Variants in SGCZ observed in about 807,000 individuals in gnomAD.
SGCZ encodes the protein zeta-sarcoglycan.
In SGCZ, 40 loss-of-function variants were observed where a neutral mutation model predicts 41.3. That is an observed-to-expected ratio of 0.97 (90% confidence interval 0.75 to 1.26). The LOEUF (loss-of-function observed/expected upper bound fraction) is 1.26. Among genes scored for constraint, SGCZ ranks in the 50% most tolerant of loss-of-function variants. SGCZ has a pLI of 0.00. For synonymous variants in SGCZ, 206 were observed against 137.5 expected, an observed-to-expected ratio of 1.50 and a Z score of -3.49; for missense variants, 552 against 369.8, an observed-to-expected ratio of 1.49 and a Z score of -4.04.
intron 1 of SGCZ, among the ~76,000 whole-genome samples, chr8:14,923,906 A>G (rs1799666608): frequency 6.6e-6 from 1 of 152,190 alleles, no homozygotes; most frequent in Non-Finnish European, 1.5e-5. Flanking sequence ...AATGCAAGGG[A>G]TTTGAGATTC....
At chr8:14,219,975 C>T (rs746600402) in intron 4 of SGCZ, among the ~76,000 whole-genome samples, 3 of 152,092 alleles carry the variant, frequency 2.0e-5, no homozygotes, top group Non-Finnish European at 4.4e-5. Context: ...TTCTCATTGA[C>T]AAAAATGTGT....
At chr8:14,235,442 C>A (rs549131490) in intron 4 of SGCZ, among the ~76,000 whole-genome samples, 1 of 152,176 alleles carries the variant, frequency 6.6e-6, no homozygotes, top group East Asian at 1.9e-4. Context: ...ACATTTTTTT[C>A]TTTCTCCGTC....
intron 4 of SGCZ, among the ~76,000 whole-genome samples, chr8:14,190,583 C>T (rs1805067380): frequency 6.6e-6 from 1 of 151,920 alleles, no homozygotes; most frequent in African/African-American, 2.4e-5. Context: ...TGTTGGATGA[C>T]ATATAAATCT....
Position 14,361,222 on chromosome 8 carries a change from G to A in SGCZ, c.235-37018C>T, listed in dbSNP as rs1203701684. Among the ~76,000 whole-genome samples the A allele has an allele frequency of 2.6e-5, 4 of 152,158 alleles. No individual in the cohort carries two copies. The East Asian group carries it at 7.7e-4, about 29-fold the overall frequency. ...ACATGTGGTTTGAGAAAATTTGAGT[G>A]TGGGCCAGCCTTGCTAGGTTGGTAA... is the stretch of plus-strand genomic sequence containing the variant. On this transcript the variant is annotated intron_variant, in intron 2 of 7. Coordinates refer to ENST00000382080, the MANE Select transcript of SGCZ (RefSeq NM_139167.4).
intron 2 of SGCZ, among the ~76,000 whole-genome samples, chr8:14,543,834 A>C (rs1425828188): frequency 6.6e-6 from 1 of 152,178 alleles, no homozygotes; most frequent in South Asian, 2.1e-4. Flanking sequence ...CTGAGTTCAA[A>C]TTCTGTTTGA....
At chr8:14,187,426 T>C (rs930155549) in intron 4 of SGCZ, among the ~76,000 whole-genome samples, 3 of 152,186 alleles carry the variant, frequency 2.0e-5, no homozygotes, top group African/African-American at 7.2e-5. Flanking sequence ...GTAAACTTTA[T>C]AAATATGTTC....
chr8:15,228,839 CA>C (rs1164433455), intron 1 of SGCZ, among the ~76,000 whole-genome samples: 1 of 152,150 alleles, frequency 6.6e-6, no homozygotes, highest in Non-Finnish European at 1.5e-5. Flanking sequence ...GTCATGCAAA[CA>C]AAAACTGGAT....
At chr8:15,188,180 G>A (rs958641667) in intron 1 of SGCZ, among the ~76,000 whole-genome samples, 1 of 151,966 alleles carries the variant, frequency 6.6e-6, no homozygotes, top group Non-Finnish European at 1.5e-5. Context: ...ATTCATTGGA[G>A]TATTGTATCA....
chr8:14,509,150 T>C (rs982590763), intron 2 of SGCZ, among the ~76,000 whole-genome samples: 2 of 152,108 alleles, frequency 1.3e-5, no homozygotes, highest in African/African-American at 2.4e-5. Context: ...TAATAGTAAA[T>C]TTAGACTAGA....
chr8:14,384,830 C>T (rs1414059728), intron 2 of SGCZ, among the ~76,000 whole-genome samples: 1 of 152,166 alleles, frequency 6.6e-6, no homozygotes, highest in Non-Finnish European at 1.5e-5. Flanking sequence ...GGGTTACAAG[C>T]GTGAGATACT....
In SGCZ at chr8:14,193,607, T is replaced by C. The variant is rs553583077; in HGVS notation, c.425-28905A>G. ...TTAATTTTGCACATTAAAATTGTAT[T>C]CTAAATGTAAATGTGGCCATGAAAA... On this transcript the variant is annotated intron_variant, in intron 4 of 7. Coordinates refer to ENST00000382080, the MANE Select transcript of SGCZ (RefSeq NM_139167.4). 2.0e-5 allele frequency among the ~76,000 whole-genome samples: 3 copies of C among 152,222 alleles called. 1 individual carries two copies. The South Asian group carries it at 6.2e-4, about 32-fold the overall frequency.
At position 14,224,301 on chromosome 8, in the gene SGCZ, G is replaced by C. The variant is rs926673159; in HGVS notation, c.424+13291C>G. ...GGATGGAAATACCAAGGGTAGAAAA[G>C]AACCAATAGTGACATTGCAATGAGG... On this transcript the variant is annotated intron_variant, in intron 4 of 7. Transcript: ENST00000382080. 7.9e-5 allele frequency among the ~76,000 whole-genome samples: 12 copies of C among 151,636 alleles called. 1 individual carries two copies. The South Asian group carries it at 1.1e-3, about 13-fold the overall frequency.
chr8:15,062,062 C>T (rs1349127409), intron 1 of SGCZ, among the ~76,000 whole-genome samples: 1 of 152,164 alleles, frequency 6.6e-6, no homozygotes. Flanking sequence ...ATCTACTCTT[C>T]AACTTTAGTT....
At chr8:14,428,471 T>G (rs1799851201) in intron 2 of SGCZ, among the ~76,000 whole-genome samples, 1 of 152,154 alleles carries the variant, frequency 6.6e-6, no homozygotes, top group Non-Finnish European at 1.5e-5. Context: ...ACTGTGGTGG[T>G]ATATTATTTT....
intron 1 of SGCZ, among the ~76,000 whole-genome samples, chr8:14,723,878 T>G (rs1370376031): frequency 6.6e-6 from 1 of 151,836 alleles, no homozygotes; most frequent in Non-Finnish European, 1.5e-5. Flanking sequence ...ATAAATAGAG[T>G]GGTAGTGGTT....
chr8:14,138,518 A>G (rs1482511369), intron 5 of SGCZ, among the ~76,000 whole-genome samples: 1 of 101,184 alleles, frequency 9.9e-6, no homozygotes, highest in Non-Finnish European at 1.8e-5. Context: ...AAAACAAAAA[A>G]AAAAAAAGGG....
intron 4 of SGCZ, among the ~76,000 whole-genome samples, chr8:14,210,466 CT>C (rs11348040): frequency 0.75 from 111,320 of 147,580 alleles, 42,830 homozygotes; most frequent in African/African-American, 0.92. Context: ...GCAACTTGAA[CT>C]TTTTTTTTTT....
At chr8:14,272,946 G>A (rs10089001) in intron 3 of SGCZ, among the ~76,000 whole-genome samples, 4,880 of 152,144 alleles carry the variant, frequency 0.032, 95 homozygotes, top group African/African-American at 0.053. Flanking sequence ...CAGTTTCTAT[G>A]TAAACTCAAA....
chr8:15,018,318 G>T (rs549457571), intron 1 of SGCZ, among the ~76,000 whole-genome samples: 3 of 152,118 alleles, frequency 2.0e-5, no homozygotes, highest in Non-Finnish European at 4.4e-5. Flanking sequence ...GGTGGGAAGA[G>T]ATAAAATAAG....
Sources: allele counts gnomAD v4.1 joint callset (sites outside exome capture counted in the v4.1 genomes callset), GRCh38; gene constraint gnomAD v4.1.1; transcripts MANE v1.5; gene names NCBI Gene and HGNC (gene_info 2026-07-23, HGNC 2026-07-21).